The following PDGFA variants were observed in gnomAD, a reference collection of about 807,000 sequenced individuals.
PDGFA encodes platelet derived growth factor subunit A, also known as platelet-derived growth factor subunit A.
Under a neutral mutation model 25.6 loss-of-function variants are expected in PDGFA, and 9 were observed. The observed-to-expected ratio is 0.35, with a 90% CI of 0.21 to 0.61. The LOEUF is 0.61. Ranked by LOEUF, PDGFA falls within the 20% of genes least tolerant of loss-of-function variation. PDGFA has a pLI of 0.75. For missense variants in PDGFA, 242 were observed against 272.8 expected (o/e 0.89, Z 0.79); for synonymous variants, 133 against 111.8 (o/e 1.19, Z -1.20).
chr7:516,574 C>T (rs1783110971), intron 2 of PDGFA, among the ~76,000 whole-genome samples: 1 of 152,228 alleles, frequency 6.6e-6, no homozygotes, highest in African/African-American at 2.4e-5. Flanking sequence ...GAGCGCCACG[C>T]ACGCCTGGAA....
chr7:518,831 C>T lies in PDGFA; in HGVS notation c.63+108G>A. ...GTTGGGAAAATCTAAACATCGACCACCCTGGCAGGAACCAAAACGCTCTCT... is the reference window on the plus strand; with the variant it reads ...GTTGGGAAAATCTAAACATCGACCATCCTGGCAGGAACCAAAACGCTCTCT... On this transcript the variant is annotated intron_variant, in intron 1 of 5. Coordinates refer to ENST00000402802, the Ensembl canonical transcript of PDGFA. The T allele has an allele frequency of 7.8e-6, 5 of 638,662 alleles. No individual in the cohort carries two copies. In the South Asian group the frequency reaches 9.0e-5, roughly 11 times the overall value. The allele number at this position is 638,662 out of a possible 1,614,324, so 39.6% of individuals were successfully genotyped here.
At chr7:513,747 G>A (rs903580914) in intron 2 of PDGFA, among the ~76,000 whole-genome samples, 6 of 152,018 alleles carry the variant, frequency 3.9e-5, no homozygotes, top group South Asian at 4.2e-4. Context: ...CAAACCAACC[G>A]GAGAAACCTC....
chr7:510,924 G>A (rs760584339), exon 4 of PDGFA: 8 of 1,612,622 alleles, frequency 5.0e-6, no homozygotes, highest in East Asian at 2.2e-5. Flanking sequence ...GTTGGCGGAC[G>A]TGGGGTCGAC....
intron 4 of PDGFA, among the ~76,000 whole-genome samples, chr7:505,750 A>G (rs1583144535): frequency 1.3e-5 from 2 of 151,792 alleles, no homozygotes; most frequent in Middle Eastern, 6.8e-3. Context: ...CCTAGCCTGC[A>G]CTCCTTCTCA....
chr7:513,536 C>G (rs1782960193), intron 2 of PDGFA: 1 of 149,000 alleles, frequency 6.7e-6, no homozygotes, highest in Non-Finnish European at 1.5e-5. Flanking sequence ...CACCATATAA[C>G]CAAGGGTGAA....
chr7:515,268 C>A (rs1783036540), intron 2 of PDGFA, among the ~76,000 whole-genome samples: 1 of 152,174 alleles, frequency 6.6e-6, no homozygotes, highest in Non-Finnish European at 1.5e-5. Context: ...CTGCACTGTC[C>A]CCTGCCCCTA....
chr7:503,929 G>A (rs773538783), intron 4 of PDGFA, among the ~76,000 whole-genome samples: 42 of 152,132 alleles, frequency 2.8e-4, no homozygotes, highest in Non-Finnish European at 5.0e-4. Context: ...ATGGGGCTCC[G>A]TTCCACTCGG....
intron 4 of PDGFA, among the ~76,000 whole-genome samples, chr7:502,809 C>CACACACAT (rs1554273862): frequency 2.3e-4 from 30 of 132,228 alleles, no homozygotes; most frequent in African/African-American, 9.4e-4. Context: ...CACACACACA[C>CACACACAT]ATAATGCACA....
At chr7:512,910 A>T (rs559347310) in intron 2 of PDGFA, 36 of 250,000 alleles carry the variant, frequency 1.4e-4, no homozygotes, top group African/African-American at 6.8e-4. Flanking sequence ...GCGAGGGAGA[A>T]GCAGAGGCCG....
At chr7:519,772 G>T (rs1783287781), upstream of PDGFA, among the ~76,000 whole-genome samples, 1 of 148,358 alleles carries the variant, frequency 6.7e-6, no homozygotes, top group South Asian at 2.1e-4. Context: ...CGCAGCCGCC[G>T]CCGGGAGAGG....
intron 4 of PDGFA, among the ~76,000 whole-genome samples, chr7:507,681 C>A (rs1323264994): frequency 6.6e-6 from 1 of 152,214 alleles, no homozygotes; most frequent in African/African-American, 2.4e-5. Context: ...AGACCACAGG[C>A]ATCCCGGACT....
At chr7:510,225 A>G (rs1232744156) in intron 4 of PDGFA, among the ~76,000 whole-genome samples, 1 of 152,120 alleles carries the variant, frequency 6.6e-6, no homozygotes, top group Non-Finnish European at 1.5e-5. Context: ...GCAGCAGAGC[A>G]GAAGCCCCGG....
At chr7:518,451 C>G (rs938706077) in intron 1 of PDGFA, 1 of 153,536 alleles carries the variant, frequency 6.5e-6, no homozygotes, top group Non-Finnish European at 1.5e-5. Flanking sequence ...GGGACTGCGC[C>G]GGCCCTGAGC....
intron 1 of PDGFA, 142 bp downstream of exon 1, chr7:518,797 T>C (rs1253599584): frequency 1.9e-6 from 1 of 533,342 alleles, no homozygotes. Context: ...TGGCAGAAAA[T>C]AGAACCCAGT....
At chr7:497,960 A>AC (rs1782152582) in exon 6 of PDGFA, 18 of 81,740 alleles carry the variant, frequency 2.2e-4, no homozygotes, top group African/African-American at 4.4e-4. Context: ...AAAAAAAAAC[A>AC]AAAAAAAAAA....
At chr7:520,002 G>GCGCCGC (rs1442148048), upstream of PDGFA, 10 of 371,264 alleles carry the variant, frequency 2.7e-5, no homozygotes, top group African/African-American at 2.3e-4. Flanking sequence ...CAGGGCCCGG[G>GCGCCGC]CGCCGCCGCC....
At chr7:515,825 A>ACCC (rs1362273987) in intron 2 of PDGFA, among the ~76,000 whole-genome samples, 3 of 151,968 alleles carry the variant, frequency 2.0e-5, no homozygotes, top group Non-Finnish European at 2.9e-5. Context: ...CCATCAGCAT[A>ACCC]CCCCACGAAG....
exon 6 of PDGFA, chr7:497,882 A>AAAAT (rs1782120455): frequency 2.1e-5 from 3 of 142,110 alleles, no homozygotes; most frequent in African/African-American, 7.7e-5. Context: ...AAAAAAAAAA[A>AAAAT]AAAAAAAAAA....
chr7:503,919 A>G (rs1386874705), intron 4 of PDGFA, among the ~76,000 whole-genome samples: 3 of 152,110 alleles, frequency 2.0e-5, no homozygotes, highest in Non-Finnish European at 4.4e-5. Context: ...CGCTTCCTAC[A>G]TGGGGCTCCG....
Sources: gnomAD v4.1 joint callset for allele counts (sites outside exome capture counted in the v4.1 genomes callset) on GRCh38, gnomAD v4.1.1 for gene constraint, MANE v1.5 for transcripts, NCBI Gene and HGNC (gene_info 2026-07-23, HGNC 2026-07-21) for gene names.